The following EML6 variants were observed in gnomAD, a reference collection of about 807,000 sequenced individuals.
EML6 encodes EMAP like 6.
A neutral mutation model predicts 240.1 loss-of-function variants in EML6; 154 were observed. The ratio of observed to expected loss-of-function variants is 0.64; its 90% CI spans 0.56 to 0.73. EML6 has a LOEUF of 0.73. Ranked by LOEUF, EML6 falls within the 30% of genes least tolerant of loss-of-function variation. The pLI is 0.00. For missense variants in EML6, 2,964 were observed against 2,474.6 expected, an observed-to-expected ratio of 1.20 and a Z score of -4.20; for synonymous variants, 1,148 against 899.0, an observed-to-expected ratio of 1.28 and a Z score of -4.95.
intron 15 of EML6, 118 bp from the exon 16 acceptor site, chr2:54,871,382 G>A: frequency 1.4e-6 from 1 of 719,912 alleles, no homozygotes; most frequent in Non-Finnish European, 2.4e-6. Context: ...ATTTCCTAGG[G>A]TCCTTCTATT....
intron 21 of EML6, among the ~76,000 whole-genome samples, chr2:54,895,784 T>TC (rs1672730717): frequency 6.6e-6 from 1 of 152,228 alleles, no homozygotes; most frequent in Non-Finnish European, 1.5e-5. Context: ...GCTTTTTTTT[T>TC]TCTTGCTGGC....
chr2:54,947,462 T>A (rs1305389436), intron 28 of EML6, among the ~76,000 whole-genome samples: 2 of 152,134 alleles, frequency 1.3e-5, no homozygotes, highest in East Asian at 1.9e-4. Flanking sequence ...TTGAAGAGTT[T>A]CTGAGAAAAT....
rs186736618 is a variant in EML6, at chr2:54,903,495, C to T, written c.3402C>T (p.Asp1134=). Residue 1134 remains aspartate (D), a synonymous_variant, in exon 24 of 42, where the codon GAC becomes GAT. Coordinates refer to ENST00000356458, the MANE Select transcript of EML6 (RefSeq NM_001039753.4). The part of the protein sequence containing the change: ...ASSYITHIDW[D]SRGKLLQVNS... ...GTTATATTACACACATTGACTGGGACTCTAGAGGTAAAGTATGTTGTGGCT... is the reference window on the plus strand; with the variant it reads ...GTTATATTACACACATTGACTGGGATTCTAGAGGTAAAGTATGTTGTGGCT... The T allele has an allele frequency of 8.2e-4, 1,277 of 1,547,976 alleles. 3 individuals are homozygous for T. The highest frequency in any genetic ancestry group is 9.8e-4 in the Non-Finnish European group (1,121 of 1,145,822).
chr2:54,905,559 A>G (rs1321687726), intron 24 of EML6, among the ~76,000 whole-genome samples: 1 of 152,206 alleles, frequency 6.6e-6, no homozygotes, highest in African/African-American at 2.4e-5. Context: ...AAAATGTACC[A>G]TTTTAATCAT....
rs778495242 is a variant in EML6 at position 54,853,874 on chromosome 2, T to G, written c.1657+19T>G. The G allele has an allele frequency of 2.7e-5, 41 of 1,496,414 alleles. No individual in the cohort carries two copies. In the East Asian group the frequency reaches 6.2e-4, roughly 22 times the overall value. 92.7% of individuals were successfully genotyped at this position (1,496,414 alleles called of 1,614,324 possible). A position where few individuals can be genotyped will look rare whatever the true frequency, so the allele number is the denominator to read the frequency against. On this transcript the variant is annotated intron_variant, in intron 11 of 41. Coordinates refer to ENST00000356458, the MANE Select transcript of EML6 (RefSeq NM_001039753.4). ...AAGAGAGGTAAGGCCAAAAGAGATG[T>G]TTCATTGCATAAAGATTTACTCTAA... is the stretch of plus-strand genomic sequence containing the variant.
At chr2:54,915,614 A>C (rs534994272) in intron 25 of EML6, among the ~76,000 whole-genome samples, 8 of 152,236 alleles carry the variant, frequency 5.3e-5, no homozygotes, top group Non-Finnish European at 8.8e-5. Context: ...CTCCAAAAGA[A>C]ACACACAAGA....
chr2:54,886,562 C>G (rs1415262057), intron 17 of EML6, among the ~76,000 whole-genome samples: 1 of 152,168 alleles, frequency 6.6e-6, no homozygotes, highest in Non-Finnish European at 1.5e-5. Context: ...ATTAGTGCCT[C>G]AAAATGTTAA....
intron 2 of EML6, among the ~76,000 whole-genome samples, chr2:54,787,891 G>A (rs1004706931): frequency 2.0e-5 from 3 of 152,016 alleles, no homozygotes; most frequent in South Asian, 2.1e-4. Context: ...TTTGAAACCC[G>A]GTTGTACACA....
At chr2:54,916,717 C>A in intron 25 of EML6, 42 bp from the exon 26 acceptor site, 2 of 1,435,464 alleles carry the variant, frequency 1.4e-6, no homozygotes, top group Non-Finnish European at 1.9e-6. Context: ...ATAAAACAAA[C>A]TAGGTTGTGC....
At chr2:54,919,248 C>A (rs75787747) in intron 26 of EML6, among the ~76,000 whole-genome samples, 4 of 142,458 alleles carry the variant, frequency 2.8e-5, no homozygotes, top group African/African-American at 7.6e-5. Context: ...TGCTTCCCCC[C>A]CCCCCCAATC....
At chr2:54,951,906 G>A (rs927773587) in intron 30 of EML6, among the ~76,000 whole-genome samples, 1 of 151,874 alleles carries the variant, frequency 6.6e-6, no homozygotes, top group Non-Finnish European at 1.5e-5. Flanking sequence ...CACCTTCCTT[G>A]TGTATCTACA....
chr2:54,852,824 T>A (rs1169478670), intron 10 of EML6, among the ~76,000 whole-genome samples: 1 of 152,220 alleles, frequency 6.6e-6, no homozygotes, highest in Non-Finnish European at 1.5e-5. Flanking sequence ...TTAAATGTCT[T>A]GATTTTGAAT....
At chr2:54,953,434 T>G (rs1052546476) in intron 31 of EML6, among the ~76,000 whole-genome samples, 3 of 152,208 alleles carry the variant, frequency 2.0e-5, no homozygotes, top group African/African-American at 7.2e-5. Context: ...CTCACCAGTT[T>G]CCTTCGTATA....
chr2:54,929,719 TCC>T (rs576435839), intron 28 of EML6, among the ~76,000 whole-genome samples: 10,596 of 151,908 alleles, frequency 0.07, 630 homozygotes, highest in South Asian at 0.2. Flanking sequence ...CTCCTCCTCC[TCC>T]TCCTCCTGCT....
intron 5 of EML6, among the ~76,000 whole-genome samples, chr2:54,824,539 C>G (rs1024111344): frequency 1.3e-5 from 2 of 152,132 alleles, no homozygotes; most frequent in African/African-American, 4.8e-5. Context: ...AATCTTTGTA[C>G]TCAAAGAAAA....
Position 54,970,385 on chromosome 2 carries a change from T to C in EML6, c.*290T>C. ...ACTACATTGACAAAGAAATCCTATC[T>C]GATAATGTAGCCCGCTGACGAATTT... On this transcript the variant is annotated 3_prime_UTR_variant, in exon 42 of 42. Coordinates refer to ENST00000356458, the MANE Select transcript of EML6 (RefSeq NM_001039753.4). The C allele has an allele frequency of 2.6e-6, 1 of 386,988 alleles. No individual in the cohort carries two copies. The highest frequency in any genetic ancestry group is 3.9e-5 in the Admixed American group (1 of 25,622). 24.0% of individuals were successfully genotyped at this position (386,988 alleles called of 1,614,324 possible). A position where few individuals can be genotyped will look rare whatever the true frequency, so the allele number is the denominator to read the frequency against.
At chr2:54,882,367 G>C (rs1671862789) in intron 17 of EML6, 1 of 149,148 alleles carries the variant, frequency 6.7e-6, no homozygotes, top group South Asian at 2.1e-4. Context: ...TATAGAAGTA[G>C]TTACAGGGTG....
Position 54,903,031 on chromosome 2 carries a change from G to T in EML6, c.3125-13G>T, listed in dbSNP as rs1279933811. 8 of 1,542,744 alleles carry T rather than the reference G, an allele frequency of 5.2e-6. No individual in the cohort carries two copies. The highest frequency in any genetic ancestry group is 4.1e-5 in the Admixed American group (2 of 48,638). On this transcript the variant is annotated splice_polypyrimidine_tract_variant and intron_variant, in intron 22 of 41. Coordinates refer to ENST00000356458, the MANE Select transcript of EML6 (RefSeq NM_001039753.4). ...TTTTGGATAATAAGTGTTTTTTGTG[G>T]ATTCTTCTGTAGGTGGAAGATGCTG... is the stretch of plus-strand genomic sequence containing the variant.
At chr2:54,745,918 C>G (rs563599637) in intron 2 of EML6, among the ~76,000 whole-genome samples, 2 of 152,166 alleles carry the variant, frequency 1.3e-5, no homozygotes, top group South Asian at 4.1e-4. Flanking sequence ...GATTGTAAAC[C>G]AAGGGAGGAG....
Sources: gnomAD v4.1 joint callset for allele counts (sites outside exome capture counted in the v4.1 genomes callset) on GRCh38, gnomAD v4.1.1 for gene constraint, MANE v1.5 for transcripts, NCBI Gene and HGNC (gene_info 2026-07-23, HGNC 2026-07-21) for gene names.